Variants in UHRF1 observed in about 807,000 individuals in gnomAD.
UHRF1 encodes E3 ubiquitin-protein ligase UHRF1.
A neutral mutation model predicts 96.5 loss-of-function variants in UHRF1; 9 were observed. That is an observed-to-expected ratio of 0.09 (90% CI 0.06 to 0.16). The LOEUF (loss-of-function observed/expected upper bound fraction) is 0.16. UHRF1 is among the 10% of genes least tolerant of loss of function. The pLI is 1.00. For synonymous variants in UHRF1, 455 were observed against 469.9 expected (o/e 0.97, Z 0.41); for missense variants, 626 against 1,131.1 (o/e 0.55, Z 6.40).
chr19:4,924,725 C>A (rs764199309), intron 2 of UHRF1, among the ~76,000 whole-genome samples: 4 of 152,068 alleles, frequency 2.6e-5, no homozygotes, highest in African/African-American at 9.7e-5. Flanking sequence ...CCCCACAGAG[C>A]GGTGCATCGG....
rs765266747 is a variant in UHRF1, at chr19:4,954,238, G to C, written c.1819-112G>C. 87 of 1,491,018 alleles carry C rather than the reference G, an allele frequency of 5.8e-5. No individual in the cohort carries two copies. Among genetic ancestry groups the C allele is most frequent in the Non-Finnish European group, 7.6e-5 (84 of 1,105,154 alleles). 92.4% of individuals were successfully genotyped at this position (1,491,018 alleles called of 1,614,324 possible). A position where few individuals can be genotyped will look rare whatever the true frequency, so the allele number is the denominator to read the frequency against. The stretch of plus-strand genomic sequence containing the variant: ...CTACCCTGTGCTCTTCAGGGGGATT[G>C]GGGGTCAGGTGTGTCTGGAAACCCA... On this transcript the variant is annotated intron_variant, in intron 13 of 16. Coordinates refer to ENST00000650932, the MANE Select transcript of UHRF1 (RefSeq NM_001048201.3). This position sits in a 1 kb window ranked among gnomAD's most constrained non-coding sequence, Gnocchi z 5.9.
intron 2 of UHRF1, among the ~76,000 whole-genome samples, chr19:4,926,463 G>A (rs553320198): frequency 4.6e-5 from 7 of 152,330 alleles, no homozygotes; most frequent in Middle Eastern, 3.4e-3. Context: ...GATGTCCACG[G>A]TGGGTTTCAG....
intron 2 of UHRF1, 44 bp downstream of exon 2, chr19:4,911,082 C>T (rs746130527): frequency 4.1e-6 from 6 of 1,465,570 alleles, no homozygotes; most frequent in Middle Eastern, 5.0e-4. Flanking sequence ...TGGTCCAGGC[C>T]TCGCGCCTCT....
At chr19:4,951,837 C>G (rs2033726080) in intron 13 of UHRF1, among the ~76,000 whole-genome samples, 3 of 152,138 alleles carry the variant, frequency 2.0e-5, no homozygotes, top group African/African-American at 7.2e-5. Flanking sequence ...AGAACTTACT[C>G]AACAAGCGGC....
chr19:4,946,290 A>G (rs1238467120), intron 10 of UHRF1, among the ~76,000 whole-genome samples: 2 of 151,846 alleles, frequency 1.3e-5, no homozygotes, highest in East Asian at 1.9e-4. Context: ...GCGTCCTTGC[A>G]TGCCTGGCTC....
chr19:4,953,449 C>G (rs546100116), intron 13 of UHRF1, among the ~76,000 whole-genome samples: 1 of 152,252 alleles, frequency 6.6e-6, no homozygotes, highest in South Asian at 2.1e-4. Context: ...AGCATCCCTA[C>G]TCTTGCACTT....
intron 5 of UHRF1, 119 bp from the exon 6 acceptor site, chr19:4,941,409 T>C (rs2033394767): frequency 5.6e-6 from 4 of 716,988 alleles, no homozygotes; most frequent in African/African-American, 1.8e-5. Context: ...CTTTGATTGC[T>C]AGGGGGCGTA....
At chr19:4,923,478 C>T (rs141623370) in intron 2 of UHRF1, among the ~76,000 whole-genome samples, 33 of 152,360 alleles carry the variant, frequency 2.2e-4, no homozygotes, top group African/African-American at 7.7e-4. Context: ...GCTGAGGCCC[C>T]TCTGCTTGGC....
chr19:4,941,644 G>A lies in UHRF1; in HGVS notation c.886+16G>A. 1 of 1,610,240 alleles carries A rather than the reference G, an allele frequency of 6.2e-7. No homozygotes were observed. Among genetic ancestry groups the A allele is most frequent in the Non-Finnish European group, 8.5e-7 (1 of 1,178,242 alleles). On this transcript the variant is annotated intron_variant, in intron 6 of 16. Transcript: ENST00000650932. ...CCCATGAGACGTGAGTTCTGAGCCA[G>A]CCTTTCCCCATCTTCCGCGGTGGGC...
chr19:4,941,661 G>T (rs777423540), intron 6 of UHRF1, 33 bp downstream of exon 6: 1 of 1,600,094 alleles, frequency 6.2e-7, no homozygotes, highest in Non-Finnish European at 8.5e-7. Flanking sequence ...CCCATCTTCC[G>T]CGGTGGGCAC....
In UHRF1 at chr19:4,925,939, C is replaced by T. The variant is rs111960157; in HGVS notation, c.154-3283C>T. 7.1e-3 allele frequency among the ~76,000 whole-genome samples: 1,084 copies of T among 151,830 alleles called. 12 individuals carry two copies. Among genetic ancestry groups the T allele is most frequent in the African/African-American group, 0.025 (1,037 of 41,340 alleles). On this transcript the variant is annotated intron_variant, in intron 2 of 16. Coordinates refer to ENST00000650932, the MANE Select transcript of UHRF1 (RefSeq NM_001048201.3). ...TGAGACGGAGTTTTGCTCTTTTTGC[C>T]CAGGCTGGAGTGCAGTGGTGCAATC...
chr19:4,909,239 C>T (rs1006511075), upstream of UHRF1: 5 of 514,772 alleles, frequency 9.7e-6, no homozygotes, highest in Non-Finnish European at 1.4e-5. Context: ...CCCAAGGCTC[C>T]TGGGGTGTCC....
chr19:4,954,547 T>G lies in UHRF1; in HGVS notation c.1957+59T>G. 1.9e-6 allele frequency: 3 copies of G among 1,583,854 alleles called. No homozygotes were observed. The highest frequency in any genetic ancestry group is 2.6e-6 in the Non-Finnish European group (3 of 1,162,480). ...GTGTGTGGGGGAGCAGGTGGGCATC[T>G]CGCGGGTGTGGGGTTGAGGTCGTGT... On this transcript the variant is annotated intron_variant, in intron 14 of 16. Coordinates refer to ENST00000650932, the MANE Select transcript of UHRF1 (RefSeq NM_001048201.3). This position sits in a 1 kb window ranked among gnomAD's most constrained non-coding sequence, Gnocchi z 5.9.
At position 4,903,285 on chromosome 19, in the gene UHRF1, TG is replaced by T. The variant is rs2031985857; in HGVS notation, c.-368del. Reference sequence around the variant, plus strand: ...CACCCACCTCAGCCTCCCAAAGTGCTGGGATTGCAGGCGTGAGCCACTGCAC... The same window carrying T: ...CACCCACCTCAGCCTCCCAAAGTGCTGGATTGCAGGCGTGAGCCACTGCAC... On this transcript the variant is annotated 5_prime_UTR_variant, in exon 1 of 17. Transcript: ENST00000612630. 3 of 169,924 alleles carry T rather than the reference TG, an allele frequency of 1.8e-5. No individual in the cohort carries two copies. In the South Asian group the frequency reaches 4.0e-4, roughly 23 times the overall value. 10.5% of individuals were successfully genotyped at this position (169,924 alleles called of 1,614,324 possible).
chr19:4,922,978 T>A (rs998893305), intron 2 of UHRF1, among the ~76,000 whole-genome samples: 9 of 152,222 alleles, frequency 5.9e-5, no homozygotes, highest in African/African-American at 2.2e-4. Context: ...GGCACAGATG[T>A]TGTCCCTAGT....
chr19:4,941,244 C>T (rs1370186000), intron 5 of UHRF1, among the ~76,000 whole-genome samples: 1 of 151,768 alleles, frequency 6.6e-6, no homozygotes, highest in East Asian at 1.9e-4. Context: ...GCGCGCTTCT[C>T]CAAGCTCAGC....
chr19:4,914,151 G>A (rs557220935), intron 2 of UHRF1, among the ~76,000 whole-genome samples: 34 of 152,128 alleles, frequency 2.2e-4, no homozygotes, highest in African/African-American at 7.9e-4. Context: ...TTAAGAGATC[G>A]TGTCGTTGCT....
intron 2 of UHRF1, among the ~76,000 whole-genome samples, chr19:4,916,031 C>G (rs2032485936): frequency 6.6e-6 from 1 of 152,086 alleles, no homozygotes; most frequent in Non-Finnish European, 1.5e-5. Flanking sequence ...AAGTTGAGGC[C>G]AGGCATGGTA....
At chr19:4,943,495 G>GCCCCC (rs368362097) in intron 7 of UHRF1, among the ~76,000 whole-genome samples, 15 of 133,204 alleles carry the variant, frequency 1.1e-4, no homozygotes, top group Admixed American at 3.1e-4. Flanking sequence ...TTGTTGCCCT[G>GCCCCC]CCCCCCCTCC....
Sources: allele counts gnomAD v4.1 joint callset (sites outside exome capture counted in the v4.1 genomes callset), GRCh38; gene constraint gnomAD v4.1.1; non-coding constraint Gnocchi (gnomAD v3.1); transcripts MANE v1.5; gene names NCBI Gene and HGNC (gene_info 2026-07-23, HGNC 2026-07-21).